The following SHROOM3 variants were observed in gnomAD, a reference collection of about 807,000 sequenced individuals.
SHROOM3 encodes the protein shroom family member 3.
A neutral mutation model predicts 138.6 loss-of-function variants in SHROOM3; 47 were observed. The observed-to-expected ratio is 0.34, with a 90% CI of 0.27 to 0.43. The LOEUF (loss-of-function observed/expected upper bound fraction) is 0.43. Among genes scored for constraint, SHROOM3 ranks in the 20% least tolerant of loss-of-function variants. The probability of loss-of-function intolerance (pLI) is 1.00; values close to 1 mark genes in which losing one functional copy is unlikely to be tolerated. For synonymous variants in SHROOM3, 1,062 were observed against 1,063.3 expected, an observed-to-expected ratio of 1.00 and a Z score of 0.02; for missense variants, 2,491 against 2,596.5, an observed-to-expected ratio of 0.96 and a Z score of 0.88.
intron 1 of SHROOM3, among the ~76,000 whole-genome samples, chr4:76,462,744 ATCTCCC>A (rs1214841388): frequency 2.2e-4 from 18 of 80,026 alleles, no homozygotes; most frequent in East Asian, 2.0e-3. Context: ...CTCCATCTCC[ATCTCCC>A]TCTCCCTCTC....
At chr4:76,689,566 C>T (rs1719449323) in intron 2 of SHROOM3, 3 of 984,624 alleles carry the variant, frequency 3.0e-6, no homozygotes, top group African/African-American at 1.8e-5. Context: ...GCTGCTGGGC[C>T]GCCCATTGTT....
chr4:76,662,706 A>G (rs1014354709), intron 2 of SHROOM3, among the ~76,000 whole-genome samples: 1 of 152,204 alleles, frequency 6.6e-6, no homozygotes, highest in African/African-American at 2.4e-5. Flanking sequence ...GAATCCACGT[A>G]TACTTTCCTT....
At position 76,608,708 on chromosome 4, in the gene SHROOM3, CAGCACAGCACAGCACAGCACAGCAT is replaced by C. The variant is rs1560563457; in HGVS notation, c.323+52950_323+52974del. Among the ~76,000 whole-genome samples, 26 of 106,684 alleles carry C rather than the reference CAGCACAGCACAGCACAGCACAGCAT, an allele frequency of 2.4e-4. 2 individuals are homozygous for C. Among genetic ancestry groups the C allele is most frequent in the South Asian group, 1.7e-3 (5 of 3,002 alleles). 70.0% of individuals were successfully genotyped at this position (106,684 alleles called of 152,430 possible). A position where few individuals can be genotyped will look rare whatever the true frequency, so the allele number is the denominator to read the frequency against. ...CAGCACAGCACAGCACAGCACAGCA[CAGCACAGCACAGCACAGCACAGCAT>C]AGCATAGCATAGCACAGTGTCAGGT... On this transcript the variant is annotated intron_variant, in intron 2 of 10. Coordinates refer to ENST00000296043, the MANE Select transcript of SHROOM3 (RefSeq NM_020859.4).
intron 2 of SHROOM3, among the ~76,000 whole-genome samples, chr4:76,602,638 C>T (rs960169918): frequency 1.3e-5 from 2 of 152,152 alleles, no homozygotes; most frequent in African/African-American, 2.4e-5. Flanking sequence ...TTGGATCTCT[C>T]TTGGTCCAGC....
At chr4:76,755,289 A>T in intron 7 of SHROOM3, 97 bp downstream of exon 7, 1 of 1,413,306 alleles carries the variant, frequency 7.1e-7, no homozygotes, top group Non-Finnish European at 9.8e-7. Flanking sequence ...GAACCCTGGC[A>T]TGGAGATGTT....
At chr4:76,563,494 G>A (rs1009633744) in intron 2 of SHROOM3, among the ~76,000 whole-genome samples, 14 of 152,178 alleles carry the variant, frequency 9.2e-5, no homozygotes, top group South Asian at 6.2e-4. Flanking sequence ...GAGGAAGCTC[G>A]GATTGCAGGA....
chr4:76,565,038 G>A (rs1022703251), intron 2 of SHROOM3, among the ~76,000 whole-genome samples: 3 of 151,768 alleles, frequency 2.0e-5, no homozygotes, highest in Admixed American at 6.6e-5. Context: ...GTGGGTGCCT[G>A]TAATCCCAGC....
chr4:76,475,126 T>A (rs1731458952), intron 1 of SHROOM3, among the ~76,000 whole-genome samples: 1 of 152,170 alleles, frequency 6.6e-6, no homozygotes, highest in Admixed American at 6.5e-5. Flanking sequence ...AAGGACTGGA[T>A]CATATTAGCC....
At chr4:76,505,455 G>A (rs116113727) in intron 1 of SHROOM3, among the ~76,000 whole-genome samples, 1 of 152,000 alleles carries the variant, frequency 6.6e-6, no homozygotes, top group Non-Finnish European at 1.5e-5. Context: ...TCCAGGCATG[G>A]CTGTACCCTT....
intron 2 of SHROOM3, among the ~76,000 whole-genome samples, chr4:76,697,981 A>G (rs1719794707): frequency 6.6e-6 from 1 of 152,206 alleles, no homozygotes; most frequent in Non-Finnish European, 1.5e-5. Context: ...AAATCAGCCC[A>G]TGGAACTATA....
Position 76,778,933 on chromosome 4 carries a change from A to G in SHROOM3, c.5747A>G (p.Glu1916Gly). The G allele has an allele frequency of 1.9e-6, 3 of 1,613,932 alleles. No individual in the cohort carries two copies. Among genetic ancestry groups the G allele is most frequent in the Non-Finnish European group, 1.7e-6 (2 of 1,180,036 alleles). Reference sequence around the variant, plus strand: ...ATCTTGGCCAATTACCTTTCAGAGGAGCAGCTCCAGGACTACCAGCACTTC... The same window carrying G: ...ATCTTGGCCAATTACCTTTCAGAGGGGCAGCTCCAGGACTACCAGCACTTC... ...LGILANYLSE[E>G]QLQDYQHFVK... The change falls in exon 11 of 11, where the codon GAG (glutamate) becomes GGG (glycine). Residue 1916 changes from glutamate to glycine, a missense_variant. Around this residue, in one of 4 missense-constraint regions of SHROOM3, gnomAD observed 470 missense variants for 595.0 expected, o/e 0.79. Transcript: ENST00000296043.
intron 2 of SHROOM3, among the ~76,000 whole-genome samples, chr4:76,634,136 T>G (rs373230522): frequency 1.3e-5 from 2 of 152,292 alleles, no homozygotes; most frequent in South Asian, 2.1e-4. Flanking sequence ...GTGTCACGTA[T>G]GTACACTTTC....
At chr4:76,623,919 A>T (rs896773340) in intron 2 of SHROOM3, among the ~76,000 whole-genome samples, 2 of 152,216 alleles carry the variant, frequency 1.3e-5, no homozygotes, top group African/African-American at 4.8e-5. Flanking sequence ...TTTCTTTCTA[A>T]AGCATACAGT....
chr4:76,596,348 G>T (rs561908908), intron 2 of SHROOM3, among the ~76,000 whole-genome samples: 1 of 152,206 alleles, frequency 6.6e-6, no homozygotes, highest in South Asian at 2.1e-4. Context: ...GGAGGTAGAG[G>T]CTACAGTGAG....
At chr4:76,621,836 TTTTTTTTTTTTGAGACA>T (rs1735013706) in intron 2 of SHROOM3, among the ~76,000 whole-genome samples, 3 of 151,240 alleles carry the variant, frequency 2.0e-5, no homozygotes. Context: ...TGTTCTTTTT[TTTTTTTTTTTTGAGACA>T]GAGTCTCACT....
At chr4:76,613,581 C>T (rs142012134) in intron 2 of SHROOM3, among the ~76,000 whole-genome samples, 1 of 152,248 alleles carries the variant, frequency 6.6e-6, no homozygotes, top group Non-Finnish European at 1.5e-5. Context: ...ATGTGCAGTT[C>T]GGCATGGAAA....
At chr4:76,532,871 C>T (rs1732861530) in intron 1 of SHROOM3, among the ~76,000 whole-genome samples, 1 of 152,098 alleles carries the variant, frequency 6.6e-6, no homozygotes, top group African/African-American at 2.4e-5. Flanking sequence ...ACTACTCCTA[C>T]ACTTTAGAAC....
At chr4:76,746,543 CA>C (rs1721440936) in intron 5 of SHROOM3, among the ~76,000 whole-genome samples, 1 of 152,092 alleles carries the variant, frequency 6.6e-6, no homozygotes, top group Admixed American at 6.6e-5. Flanking sequence ...AATGTTTGCA[CA>C]AGGACAAAAT....
chr4:76,584,262 G>A (rs1734106079), intron 2 of SHROOM3, among the ~76,000 whole-genome samples: 1 of 151,852 alleles, frequency 6.6e-6, no homozygotes, highest in Non-Finnish European at 1.5e-5. Flanking sequence ...AGGTTGCAGT[G>A]AGCTGAGATT....
Sources: allele counts gnomAD v4.1 joint callset (sites outside exome capture counted in the v4.1 genomes callset), GRCh38; gene constraint gnomAD v4.1.1; regional missense constraint gnomAD v4.1.1; transcripts MANE v1.5; gene names NCBI Gene and HGNC (gene_info 2026-07-23, HGNC 2026-07-21).